Variants in EBF2 observed in about 807,000 individuals in gnomAD.
EBF2 encodes EBF transcription factor 2, also known as transcription factor COE2.
In EBF2, 21 loss-of-function variants were observed where a neutral mutation model predicts 72.8. The observed-to-expected ratio is 0.29, with a 90% CI of 0.20 to 0.42. EBF2 has a LOEUF of 0.42. Ranked by LOEUF, EBF2 falls within the 10% of genes least tolerant of loss-of-function variation. The probability of loss-of-function intolerance (pLI) is 1.00; values close to 1 mark genes in which losing one functional copy is unlikely to be tolerated. For missense variants in EBF2, 637 were observed against 731.2 expected (o/e 0.87, Z 1.49); for synonymous variants, 299 against 274.2 (o/e 1.09, Z -0.89).
intron 7 of EBF2, among the ~76,000 whole-genome samples, chr8:25,892,398 G>A (rs963070824): frequency 6.6e-5 from 10 of 152,074 alleles, no homozygotes; most frequent in African/African-American, 2.4e-4. Flanking sequence ...ATAATCACAG[G>A]TTTGGGTTTT....
chr8:25,942,126 A>G (rs1479151749), intron 6 of EBF2, among the ~76,000 whole-genome samples: 1 of 152,224 alleles, frequency 6.6e-6, no homozygotes, highest in Admixed American at 6.5e-5. Context: ...GAGCACAGAG[A>G]GCACCGGAAA....
intron 1 of EBF2, among the ~76,000 whole-genome samples, chr8:26,042,591 G>T (rs1323013256): frequency 1.3e-5 from 2 of 152,168 alleles, no homozygotes; most frequent in Non-Finnish European, 2.9e-5. Flanking sequence ...TAAGGAGGTG[G>T]CCCGCGTCCT....
At chr8:26,007,464 GT>G (rs201990909) in intron 6 of EBF2, among the ~76,000 whole-genome samples, 10 of 151,530 alleles carry the variant, frequency 6.6e-5, no homozygotes, top group East Asian at 1.9e-4. Context: ...TTTCATTTGA[GT>G]TTTTTTTTAA....
chr8:25,915,854 T>A (rs1803205684), intron 6 of EBF2, among the ~76,000 whole-genome samples: 1 of 152,140 alleles, frequency 6.6e-6, no homozygotes, highest in Non-Finnish European at 1.5e-5. Context: ...ATGCCTTTGG[T>A]AGCAGATAAT....
intron 6 of EBF2, among the ~76,000 whole-genome samples, chr8:25,932,929 A>G (rs756406601): frequency 1.3e-5 from 2 of 152,152 alleles, no homozygotes; most frequent in Non-Finnish European, 2.9e-5. Flanking sequence ...CCAATAACAC[A>G]TAAAGAAGGT....
At chr8:25,860,133 T>C (rs1232276139) in intron 13 of EBF2, among the ~76,000 whole-genome samples, 1 of 152,230 alleles carries the variant, frequency 6.6e-6, no homozygotes, top group East Asian at 1.9e-4. Context: ...GAACATTTAC[T>C]CCTTTTAAAA....
chr8:26,019,875 T>C (rs1805178774), intron 6 of EBF2, among the ~76,000 whole-genome samples: 2 of 152,178 alleles, frequency 1.3e-5, no homozygotes, highest in Non-Finnish European at 2.9e-5. Context: ...ATGGACATCA[T>C]GCTCAAAACT....
chr8:25,976,416 C>T (rs1027516239), intron 6 of EBF2, among the ~76,000 whole-genome samples: 8 of 152,230 alleles, frequency 5.3e-5, no homozygotes, highest in South Asian at 2.1e-4. Context: ...AACTACCATT[C>T]ACCGTCTTTA....
At chr8:25,911,815 G>T (rs769816465) in intron 6 of EBF2, among the ~76,000 whole-genome samples, 1 of 152,160 alleles carries the variant, frequency 6.6e-6, no homozygotes, top group Non-Finnish European at 1.5e-5. Flanking sequence ...AGACGTAGGT[G>T]AAACCCACTG....
At chr8:26,040,205 C>G (rs1805574958) in intron 4 of EBF2, 104 bp from the exon 5 acceptor site, 5 of 1,235,506 alleles carry the variant, frequency 4.0e-6, no homozygotes, top group Non-Finnish European at 5.9e-6. Context: ...CTCCCACTAC[C>G]TGCCACCGCA....
intron 6 of EBF2, among the ~76,000 whole-genome samples, chr8:26,007,801 C>G (rs1563206737): frequency 6.6e-6 from 1 of 151,848 alleles, no homozygotes; most frequent in Admixed American, 6.6e-5. Flanking sequence ...CATGTGCACA[C>G]ACACACACAC....
At chr8:25,870,340 A>C (rs1802414324) in intron 10 of EBF2, among the ~76,000 whole-genome samples, 1 of 152,098 alleles carries the variant, frequency 6.6e-6, no homozygotes, top group Non-Finnish European at 1.5e-5. Flanking sequence ...GTACACTCAC[A>C]ACGTGCTAAA....
chr8:26,018,745 G>A (rs1259502848), intron 6 of EBF2, among the ~76,000 whole-genome samples: 2 of 151,954 alleles, frequency 1.3e-5, no homozygotes, highest in African/African-American at 4.8e-5. Flanking sequence ...GTGCTGATGT[G>A]TAGTTGGTAG....
intron 13 of EBF2, 60 bp downstream of exon 13, chr8:25,860,989 A>G (rs1320412279): frequency 6.2e-7 from 1 of 1,600,342 alleles, no homozygotes; most frequent in African/African-American, 1.3e-5. Flanking sequence ...GACTCTGTCC[A>G]CTCCAGCAGA....
rs1362114716 is a variant in EBF2, at chr8:26,005,559, T to TAGAGAGAGAG, written c.551+27525_551+27526insCTCTCTCTCT. ...TATATATTTTATATATATATATATATATAGAGAGAGAGAGAGAGAGGTATT... is the reference window on the plus strand; with the variant it reads ...TATATATTTTATATATATATATATATAGAGAGAGAGATAGAGAGAGAGAGAGAGAGGTATT... On this transcript the variant is annotated intron_variant, in intron 6 of 15. Transcript: ENST00000520164. Among the ~76,000 whole-genome samples the TAGAGAGAGAG allele has an allele frequency of 2.9e-3, 160 of 55,558 alleles. 5 individuals are homozygous for TAGAGAGAGAG. Among genetic ancestry groups the TAGAGAGAGAG allele is most frequent in the East Asian group, 0.012 (19 of 1,522 alleles). The allele number at this position is 55,558 out of a possible 152,430, so 36.4% of individuals were successfully genotyped here.
chr8:26,039,997 C>G, intron 5 of EBF2, 31 bp downstream of exon 5: 1 of 1,610,512 alleles, frequency 6.2e-7, no homozygotes, highest in Non-Finnish European at 8.5e-7. Context: ...TGCGGGCTCT[C>G]CAGGAAGGCC....
intron 6 of EBF2, among the ~76,000 whole-genome samples, chr8:25,985,728 G>A (rs556551381): frequency 1.3e-5 from 2 of 152,088 alleles, no homozygotes; most frequent in East Asian, 1.9e-4. Context: ...GGCCAGACAC[G>A]GTCGCTTATG....
intron 6 of EBF2, among the ~76,000 whole-genome samples, chr8:25,930,265 C>T (rs1803458405): frequency 6.6e-6 from 1 of 152,112 alleles, no homozygotes; most frequent in Non-Finnish European, 1.5e-5. Context: ...GGCTGGTAAT[C>T]TTATGGTCAC....
chr8:25,901,906 C>A (rs1274724975), intron 7 of EBF2, among the ~76,000 whole-genome samples: 2 of 152,182 alleles, frequency 1.3e-5, no homozygotes, highest in Non-Finnish European at 2.9e-5. Flanking sequence ...TTTTTTATAT[C>A]CTTCCACTAG....
Sources: gnomAD v4.1 joint callset for allele counts (sites outside exome capture counted in the v4.1 genomes callset) on GRCh38, gnomAD v4.1.1 for gene constraint, MANE v1.5 for transcripts, NCBI Gene and HGNC (gene_info 2026-07-23, HGNC 2026-07-21) for gene names.